Variants in SLC35F3 observed in about 807,000 individuals in gnomAD.
SLC35F3 encodes the protein solute carrier family 35 member F3, also known as putative thiamine transporter SLC35F3.
A neutral mutation model predicts 49.9 loss-of-function variants in SLC35F3; 25 were observed. That is an observed-to-expected ratio of 0.50 (90% CI 0.37 to 0.70). The LOEUF is 0.70. Among genes scored for constraint, SLC35F3 ranks in the 30% least tolerant of loss-of-function variants. SLC35F3 has a pLI of 0.00. For missense variants in SLC35F3, 525 were observed against 639.8 expected (o/e 0.82, Z 1.94); for synonymous variants, 275 against 265.4 (o/e 1.04, Z -0.35).
rs113624202 is a variant in SLC35F3 at position 234,101,743 on chromosome 1, A to G, written c.284-129674A>G. ...TAAACATTTAGCAAACAAATCATGT[A>G]CCTTTTTCTTGACACATTCTTAGGA... On this transcript the variant is annotated intron_variant, in intron 2 of 7. Transcript: ENST00000366618. 4.4e-3 allele frequency among the ~76,000 whole-genome samples: 666 copies of G among 152,366 alleles called. 6 individuals carry two copies. The highest frequency in any genetic ancestry group is 0.015 in the African/African-American group (620 of 41,584).
intron 2 of SLC35F3, among the ~76,000 whole-genome samples, chr1:234,077,250 C>T (rs1027161900): frequency 6.6e-6 from 1 of 150,910 alleles, no homozygotes; most frequent in East Asian, 2.0e-4. Context: ...ATGATCCACC[C>T]GCCTCGGCCT....
chr1:234,133,747 C>T (rs1665768624), intron 2 of SLC35F3, among the ~76,000 whole-genome samples: 1 of 152,320 alleles, frequency 6.6e-6, no homozygotes, highest in South Asian at 2.1e-4. Flanking sequence ...TTCTGGTGAG[C>T]TATTTATCCC....
chr1:234,219,046 A>T (rs1313835018), intron 2 of SLC35F3, among the ~76,000 whole-genome samples: 1 of 106,518 alleles, frequency 9.4e-6, no homozygotes, highest in East Asian at 2.4e-4. Flanking sequence ...ACATAGAGAG[A>T]CTCCATCTCA....
At chr1:234,163,654 G>C (rs1666264211) in intron 2 of SLC35F3, among the ~76,000 whole-genome samples, 1 of 152,234 alleles carries the variant, frequency 6.6e-6, no homozygotes, top group African/African-American at 2.4e-5. Context: ...ACTTCCAAGA[G>C]CAAATGCTTT....
chr1:234,155,815 G>A (rs1472646351), intron 2 of SLC35F3, among the ~76,000 whole-genome samples: 1 of 149,742 alleles, frequency 6.7e-6, no homozygotes, highest in Admixed American at 6.7e-5. Context: ...AAACCAATAG[G>A]GTGGAGTAAT....
chr1:234,023,137 A>G (rs1663923385), intron 2 of SLC35F3, among the ~76,000 whole-genome samples: 2 of 152,078 alleles, frequency 1.3e-5, no homozygotes, highest in South Asian at 4.2e-4. Flanking sequence ...AGGTTACAAG[A>G]CTCGCAGCCC....
chr1:234,173,147 C>G (rs1394793813), intron 2 of SLC35F3, among the ~76,000 whole-genome samples: 1 of 152,178 alleles, frequency 6.6e-6, no homozygotes, highest in Admixed American at 6.5e-5. Flanking sequence ...GAGTCATTGT[C>G]CAGCATTTCA....
At position 233,904,917 on chromosome 1, in the gene SLC35F3, C is replaced by T. The variant is rs1469121704; in HGVS notation, c.-161C>T. 2.9e-6 allele frequency: 2 copies of T among 684,538 alleles called. No homozygotes were observed. Among genetic ancestry groups the T allele is most frequent in the African/African-American group, 3.9e-5 (2 of 51,252 alleles). The allele number at this position is 684,538 out of a possible 1,614,324, so 42.4% of individuals were successfully genotyped here. On this transcript the variant is annotated 5_prime_UTR_variant, in exon 1 of 8. Transcript: ENST00000366618. ...CGCCGCGGAGGCGCTCGGGTACAGA[C>T]CGCGCGGGCGCGCACAAAGCGGCCC...
intron 2 of SLC35F3, among the ~76,000 whole-genome samples, chr1:234,130,880 A>G (rs6686261): frequency 0.063 from 9,542 of 152,282 alleles, 458 homozygotes; most frequent in African/African-American, 0.12. Flanking sequence ...AAAATGCATT[A>G]GTCATAATAG....
chr1:234,028,537 A>G (rs1408737923), intron 2 of SLC35F3, among the ~76,000 whole-genome samples: 1 of 152,144 alleles, frequency 6.6e-6, no homozygotes, highest in Non-Finnish European at 1.5e-5. Flanking sequence ...TGTTCTGTGG[A>G]GGTAGGCTGG....
chr1:233,959,565 T>A (rs1662759868), intron 2 of SLC35F3, among the ~76,000 whole-genome samples: 2 of 152,216 alleles, frequency 1.3e-5, no homozygotes, highest in Admixed American at 1.3e-4. Context: ...ATTCTGTGGT[T>A]TGATCCTTGT....
At chr1:234,065,979 C>T (rs1217853747) in intron 2 of SLC35F3, among the ~76,000 whole-genome samples, 1 of 152,154 alleles carries the variant, frequency 6.6e-6, no homozygotes, top group Non-Finnish European at 1.5e-5. Flanking sequence ...TTCGCTGGTC[C>T]GGAGGCAAGA....
chr1:234,141,199 G>T (rs930156009), intron 2 of SLC35F3, among the ~76,000 whole-genome samples: 4 of 152,110 alleles, frequency 2.6e-5, no homozygotes, highest in Middle Eastern at 3.2e-3. Context: ...GAAGGTCTAT[G>T]ATAAGTGAAA....
intron 2 of SLC35F3, among the ~76,000 whole-genome samples, chr1:234,084,405 C>T (rs1664930183): frequency 6.6e-6 from 1 of 152,176 alleles, no homozygotes; most frequent in East Asian, 1.9e-4. Flanking sequence ...TCAACTGAAT[C>T]AACCCATTTC....
intron 2 of SLC35F3, among the ~76,000 whole-genome samples, chr1:234,168,186 G>T (rs1213513082): frequency 6.6e-6 from 1 of 152,224 alleles, no homozygotes; most frequent in East Asian, 1.9e-4. Flanking sequence ...CAATGCCAGG[G>T]TCCTGTCTGC....
chr1:234,247,362 G>A (rs1471672699), intron 3 of SLC35F3, among the ~76,000 whole-genome samples: 10 of 152,214 alleles, frequency 6.6e-5, no homozygotes, highest in Admixed American at 1.3e-4. Context: ...TCCATTGTTC[G>A]GTAGGTTGGT....
intron 2 of SLC35F3, among the ~76,000 whole-genome samples, chr1:234,044,394 A>G (rs536366169): frequency 6.6e-6 from 1 of 152,336 alleles, no homozygotes; most frequent in Admixed American, 6.5e-5. Context: ...TTTCCCTGTT[A>G]CTAACAAAGT....
rs1320274191 is a variant in SLC35F3 at position 234,231,470 on chromosome 1, G to A, written c.337G>A (p.Gly113Arg). Reference sequence around the variant, plus strand: ...CCCGGCGGAGGCCCAGGCACCGGCCGGGGTGGAGGCCGGCGGGAGAGCGAG... The same window carrying A: ...CCCGGCGGAGGCCCAGGCACCGGCCAGGGTGGAGGCCGGCGGGAGAGCGAG... ...PGPAEAQAPA[G>R]VEAGGRASRR... is the part of the protein sequence containing the mutation. The change falls in exon 3 of 8, where the codon GGG (glycine) becomes AGG (arginine). Residue 113 changes from glycine to arginine, a missense_variant. Physicochemically the swap from Gly to Arg is moderately radical, Grantham distance 125. Around this residue, in one of 4 missense-constraint regions of SLC35F3, gnomAD observed 228 missense variants for 218.9 expected, o/e 1.04. Transcript: ENST00000366618. The surrounding 1 kb of genome is among the most constrained non-coding windows in gnomAD (Gnocchi z 5.4). 1.2e-6 allele frequency: 2 copies of A among 1,611,160 alleles called. No individual in the cohort carries two copies. The highest frequency in any genetic ancestry group is 4.5e-5 in the East Asian group (2 of 44,780).
chr1:234,247,365 A>AGGTTGGTTGGCTGGTCCATTTTTAGGTG, intron 3 of SLC35F3, among the ~76,000 whole-genome samples: 1 of 150,450 alleles, frequency 6.6e-6, no homozygotes, highest in African/African-American at 2.4e-5. Flanking sequence ...ATTGTTCGGT[A>AGGTTGGTTGGCTGGTCCATTTTTAGGTG]GGTTGGTTGG....
Sources: gnomAD v4.1 joint callset for allele counts (sites outside exome capture counted in the v4.1 genomes callset) on GRCh38, gnomAD v4.1.1 for gene constraint, gnomAD v4.1.1 regional missense constraint, Gnocchi (gnomAD v3.1) non-coding constraint, MANE v1.5 for transcripts, NCBI Gene and HGNC (gene_info 2026-07-23, HGNC 2026-07-21) for gene names.